SV2C: variants seen among roughly 807,000 people sequenced by gnomAD.
SV2C encodes synaptic vesicle glycoprotein 2C, also known as solute carrier family 22 member B3.
Under a neutral mutation model 79.7 loss-of-function variants are expected in SV2C, and 49 were observed. The ratio of observed to expected loss-of-function variants is 0.61; its 90% confidence interval spans 0.49 to 0.78. The LOEUF (loss-of-function observed/expected upper bound fraction) is 0.78, where lower values mean the gene tolerates loss of function less well. Among genes scored for constraint, SV2C ranks in the 30% least tolerant of loss-of-function variants. The probability of loss-of-function intolerance (pLI) is 0.00; values close to 1 mark genes in which losing one functional copy is unlikely to be tolerated. For synonymous variants in SV2C, 334 were observed against 333.2 expected (o/e 1.00, Z -0.03); for missense variants, 833 against 912.9 (o/e 0.91, Z 1.13).
At chr5:76,117,488 G>A (rs1165947278) in intron 1 of SV2C, among the ~76,000 whole-genome samples, 1 of 152,036 alleles carries the variant, frequency 6.6e-6, no homozygotes, top group Non-Finnish European at 1.5e-5. Context: ...TTTATTTGGA[G>A]GAAAAAGGAG....
At chr5:75,853,607 C>CAAAAAAAAA in the SV2C span, among the ~76,000 whole-genome samples, 54 of 28,456 alleles carry the variant, frequency 1.9e-3, 1 homozygote, top group African/African-American at 5.3e-3. Context: ...GACTCCGTCT[C>CAAAAAAAAA]AAAAAAAAAA....
At chr5:75,889,740 C>T in the SV2C span, among the ~76,000 whole-genome samples, 25 of 152,066 alleles carry the variant, frequency 1.6e-4, no homozygotes, top group Admixed American at 9.8e-4. Context: ...ACATAATAGG[C>T]ACTTCATACA....
chr5:76,106,374 G>A (rs1024675127), intron 1 of SV2C, among the ~76,000 whole-genome samples: 5 of 152,048 alleles, frequency 3.3e-5, no homozygotes, highest in African/African-American at 1.2e-4. Context: ...TTGTCCTCCT[G>A]GAGTTCATCC....
intron 1 of SV2C, among the ~76,000 whole-genome samples, chr5:76,088,974 G>A (rs1454711487): frequency 6.6e-6 from 1 of 152,158 alleles, no homozygotes; most frequent in Non-Finnish European, 1.5e-5. Context: ...ATTGTCAAAT[G>A]AATTAATGAC....
intron 12 of SV2C, among the ~76,000 whole-genome samples, chr5:76,305,942 GGTTT>G: frequency 6.6e-6 from 1 of 152,166 alleles, no homozygotes; most frequent in Non-Finnish European, 1.5e-5. Flanking sequence ...ACATATGGTT[GGTTT>G]TTCTGGAGAC....
At chr5:75,875,613 G>A in the SV2C span, among the ~76,000 whole-genome samples, 1 of 152,092 alleles carries the variant, frequency 6.6e-6, no homozygotes, top group Non-Finnish European at 1.5e-5. Context: ...CTTCTGCATA[G>A]CAAAAGAAAC....
intron 4 of SV2C, among the ~76,000 whole-genome samples, chr5:76,227,398 T>G (rs1398647801): frequency 6.6e-6 from 1 of 152,176 alleles, no homozygotes; most frequent in African/African-American, 2.4e-5. Flanking sequence ...GAAGGGGCAT[T>G]TCCCCCCTGT....
chr5:76,079,050 C>T (rs999674876), upstream of SV2C: 17 of 401,942 alleles, frequency 4.2e-5, no homozygotes, highest in Non-Finnish European at 7.4e-5. Flanking sequence ...GGTCCACCAC[C>T]GATGGGCGCC....
the SV2C span, among the ~76,000 whole-genome samples, chr5:76,006,687 G>T: frequency 1.6e-4 from 25 of 152,198 alleles, 1 homozygote; most frequent in African/African-American, 6.0e-4. Context: ...GCCTAAATCA[G>T]CATTTGGTCC....
the SV2C span, among the ~76,000 whole-genome samples, chr5:76,051,916 C>T: frequency 5.5e-4 from 84 of 152,164 alleles, no homozygotes; most frequent in African/African-American, 1.7e-3. Context: ...AGGAAAATAT[C>T]GAACTGTCAC....
chr5:76,318,373 G>A (rs532173783), intron 12 of SV2C, among the ~76,000 whole-genome samples: 36 of 151,468 alleles, frequency 2.4e-4, no homozygotes, highest in Middle Eastern at 3.4e-3. Context: ...AGCCGAGATC[G>A]TGCCACTGCA....
chr5:75,919,155 T>C, the SV2C span, among the ~76,000 whole-genome samples: 1 of 152,234 alleles, frequency 6.6e-6, no homozygotes, highest in Non-Finnish European at 1.5e-5. Flanking sequence ...ATTGGTTTAC[T>C]CTTTTTGCTC....
intron 2 of SV2C, chr5:76,173,764 G>C: frequency 6.2e-7 from 1 of 1,610,504 alleles, no homozygotes; most frequent in South Asian, 1.1e-5. Flanking sequence ...AGAATGCACA[G>C]TTGTTCCATT....
intron 2 of SV2C, among the ~76,000 whole-genome samples, chr5:76,188,723 G>A (rs1743998692): frequency 1.3e-5 from 2 of 151,476 alleles, no homozygotes; most frequent in Non-Finnish European, 2.9e-5. Flanking sequence ...CACAGAATTT[G>A]TAACCAGTAA....
At chr5:76,167,033 C>T (rs1403133620) in intron 2 of SV2C, among the ~76,000 whole-genome samples, 2 of 152,124 alleles carry the variant, frequency 1.3e-5, no homozygotes, top group Non-Finnish European at 2.9e-5. Flanking sequence ...ATGGTTGAGC[C>T]CCACTCTTAG....
chr5:76,223,469 A>G (rs1271066785), intron 4 of SV2C, among the ~76,000 whole-genome samples: 2 of 75,292 alleles, frequency 2.7e-5, no homozygotes, highest in Admixed American at 2.5e-4. Context: ...ATATATATAT[A>G]TATATATATA....
At chr5:76,026,697 A>G in the SV2C span, among the ~76,000 whole-genome samples, 1 of 152,236 alleles carries the variant, frequency 6.6e-6, no homozygotes, top group Non-Finnish European at 1.5e-5. Flanking sequence ...AGTGGGGTGA[A>G]TAAAAAGAGA....
At chr5:76,339,353 T>C (rs1749393024) in intron 12 of SV2C, among the ~76,000 whole-genome samples, 1 of 152,224 alleles carries the variant, frequency 6.6e-6, no homozygotes, top group South Asian at 2.1e-4. Flanking sequence ...TGTGATATCA[T>C]TGCCTATATA....
chr5:76,209,759 T>A lies in SV2C; in HGVS notation c.785T>A (p.Val262Glu), dbSNP rs1308285259. The A allele has an allele frequency of 1.2e-6, 2 of 1,614,196 alleles. No individual in the cohort carries two copies. The highest frequency in any genetic ancestry group is 1.7e-6 in the Non-Finnish European group (2 of 1,180,032). The change falls in exon 4 of 13, where the codon GTG becomes GAG. Residue 262 changes from valine to glutamate, a missense_variant. Physicochemically the swap from Val to Glu is moderately radical, Grantham distance 121. Transcript: ENST00000502798. Reference sequence around the variant, plus strand: ...AGGATTGGAGGAGCCATACCCACTGTGTTCTCGTACTTTGCTGAAGTCCTG... The same window carrying A: ...AGGATTGGAGGAGCCATACCCACTGAGTTCTCGTACTTTGCTGAAGTCCTG... ...GFGIGGAIPT[V>E]FSYFAEVLAR... is the part of the protein sequence containing the mutation.
Sources: allele counts gnomAD v4.1 joint callset (sites outside exome capture counted in the v4.1 genomes callset), GRCh38; gene constraint gnomAD v4.1.1; transcripts MANE v1.5; gene names NCBI Gene and HGNC (gene_info 2026-07-23, HGNC 2026-07-21).